The following APOBEC3A variants were observed in gnomAD, a reference collection of about 807,000 sequenced individuals.
The protein encoded by APOBEC3A is DNA dC->dU-editing enzyme APOBEC-3A.
Under a neutral mutation model 23.0 loss-of-function variants are expected in APOBEC3A, and 13 were observed. The observed-to-expected ratio is 0.57, with a 90% confidence interval of 0.37 to 0.90. APOBEC3A has a LOEUF of 0.90. Among genes scored for constraint, APOBEC3A ranks in the 40% least tolerant of loss-of-function variants. The pLI is 0.01. For missense variants in APOBEC3A, 179 were observed against 264.9 expected (o/e 0.68, Z 2.25); for synonymous variants, 74 against 101.3 (o/e 0.73, Z 1.62).
rs61743667 is a variant in APOBEC3A, at chr22:38,962,168, T to C, written c.540T>C (p.Asp180=). 7.4e-6 allele frequency: 12 copies of C among 1,611,508 alleles called. No homozygotes were observed. The Admixed American group carries it at 2.0e-4, about 27-fold the overall frequency. Residue 180 remains aspartate (D), a synonymous_variant, in exon 4 of 5, where the codon GAT becomes GAC. Transcript: ENST00000249116. ...GCPFQPWDGL[D]EHSQALSGRL... ...CCTTCCAGCCCTGGGATGGACTAGATGAGCACAGCCAAGCCCTGAGTGGGA... is the reference window on the plus strand; with the variant it reads ...CCTTCCAGCCCTGGGATGGACTAGACGAGCACAGCCAAGCCCTGAGTGGGA...
chr22:38,959,093 C>T (rs1382883513), intron 1 of APOBEC3A, among the ~76,000 whole-genome samples: 2 of 152,110 alleles, frequency 1.3e-5, no homozygotes, highest in Non-Finnish European at 2.9e-5. Context: ...CTGGCAGGTT[C>T]CTCTCCCCAG....
At chr22:38,958,100 A>C (rs1246309210) in intron 1 of APOBEC3A, among the ~76,000 whole-genome samples, 2 of 152,176 alleles carry the variant, frequency 1.3e-5, no homozygotes, top group Admixed American at 6.5e-5. Flanking sequence ...TTTTATGTTC[A>C]GTGTCATCTC....
At chr22:38,958,642 C>G (rs1297605494) in intron 1 of APOBEC3A, among the ~76,000 whole-genome samples, 2 of 131,270 alleles carry the variant, frequency 1.5e-5, no homozygotes, top group Admixed American at 1.7e-4. Flanking sequence ...TTTTTTCTTT[C>G]TTTTCTTTCT....
chr22:38,959,435 G>A, intron 1 of APOBEC3A, 107 bp from the exon 2 acceptor site: 2 of 1,350,586 alleles, frequency 1.5e-6, no homozygotes, highest in Non-Finnish European at 2.1e-6. Context: ...GTGCGGAGCA[G>A]GGGGAAGGAG....
rs749960014 is a variant in APOBEC3A, at chr22:38,962,251, C to T, written c.585+38C>T. The T allele has an allele frequency of 3.7e-6, 6 of 1,613,362 alleles. No individual in the cohort carries two copies. In the East Asian group the frequency reaches 1.1e-4, roughly 30 times the overall value. On this transcript the variant is annotated intron_variant, in intron 4 of 4. Coordinates refer to ENST00000249116, the MANE Select transcript of APOBEC3A (RefSeq NM_145699.4). ...TCCCTCTGCCCGGTGCCCCATCGGC[C>T]TCCCCCTCCTCCCCACTCCCCTGGG...
Position 38,962,943 on chromosome 22 carries a change from A to G in APOBEC3A, c.*434A>G, listed in dbSNP as rs1480869003. On this transcript the variant is annotated 3_prime_UTR_variant, in exon 5 of 5. Transcript: ENST00000249116. ...ACTGCACTCCAGCCTGGGCGACAGT[A>G]CCAGACTCCATCTCAAAAAAAAAAA... 3.8e-5 allele frequency: 7 copies of G among 182,924 alleles called. No individual in the cohort carries two copies. Among genetic ancestry groups the G allele is most frequent in the African/African-American group, 5.0e-5 (2 of 40,312 alleles). 11.3% of individuals were successfully genotyped at this position (182,924 alleles called of 1,614,324 possible).
In APOBEC3A at chr22:38,962,886, A is replaced by G. The variant is rs1406840653; in HGVS notation, c.*377A>G. The G allele has an allele frequency of 6.1e-6, 2 of 329,978 alleles. No homozygotes were observed. 20.4% of individuals were successfully genotyped at this position (329,978 alleles called of 1,614,324 possible). ...GGCAGGAGAGTAGCGTGAACCCGGG[A>G]GGCAGAGCTTGCGGTGAGCCGAGAT... On this transcript the variant is annotated 3_prime_UTR_variant, in exon 5 of 5. Coordinates refer to ENST00000249116, the MANE Select transcript of APOBEC3A (RefSeq NM_145699.4).
chr22:38,962,069 C>A lies in APOBEC3A; in HGVS notation c.470-29C>A, dbSNP rs764187184. ...TGCCACCCCGATCCCACAGCGGGAGCGTGACTTATCTCCCCTGTCCCTTTT... is the reference window on the plus strand; with the variant it reads ...TGCCACCCCGATCCCACAGCGGGAGAGTGACTTATCTCCCCTGTCCCTTTT... On this transcript the variant is annotated intron_variant, in intron 3 of 4. Transcript: ENST00000249116. 3.1e-6 allele frequency: 5 copies of A among 1,592,852 alleles called. No individual in the cohort carries two copies. In the Admixed American group the frequency reaches 8.4e-5, roughly 27 times the overall value.
chr22:38,960,483 T>G (rs936290529), intron 2 of APOBEC3A, among the ~76,000 whole-genome samples: 2 of 152,160 alleles, frequency 1.3e-5, no homozygotes, highest in Non-Finnish European at 2.9e-5. Flanking sequence ...CCTCCCTGTC[T>G]TTGTCCCCAT....
intron 1 of APOBEC3A, among the ~76,000 whole-genome samples, chr22:38,958,610 C>T (rs372226359): frequency 7.2e-6 from 1 of 139,134 alleles, no homozygotes; most frequent in South Asian, 2.3e-4. Flanking sequence ...TCTCTTTCTC[C>T]CTTTCTCCCT....
At chr22:38,957,897 C>A (rs1341544673) in intron 1 of APOBEC3A, among the ~76,000 whole-genome samples, 177 bp downstream of exon 1, 1 of 152,136 alleles carries the variant, frequency 6.6e-6, no homozygotes, top group Admixed American at 6.5e-5. Context: ...GTCTCTCCTC[C>A]GATGGTACCA....
rs549687514 is a variant in APOBEC3A at position 38,962,754 on chromosome 22, C to G, written c.*245C>G. The G allele has an allele frequency of 1.8e-5, 17 of 956,846 alleles. No homozygotes were observed. The highest frequency in any genetic ancestry group is 3.6e-5 in the East Asian group (1 of 27,404). 59.3% of individuals were successfully genotyped at this position (956,846 alleles called of 1,614,324 possible). A position where few individuals can be genotyped will look rare whatever the true frequency, so the allele number is the denominator to read the frequency against. ...CGGGTGGATCACGAGGTCAGGAGAT[C>G]GAGACCATCCTGGCTAACACGGTGA... On this transcript the variant is annotated 3_prime_UTR_variant, in exon 5 of 5. Transcript: ENST00000249116.
At chr22:38,959,441 AG>A in intron 1 of APOBEC3A, 100 bp from the exon 2 acceptor site, 1 of 1,384,834 alleles carries the variant, frequency 7.2e-7, no homozygotes, top group Non-Finnish European at 1.0e-6. Context: ...AGCAGGGGGA[AG>A]GAGGGTGGGG....
rs2036627223 is a variant in APOBEC3A, at chr22:38,963,021, A to G, written c.*512A>G. 2 of 169,192 alleles carry G rather than the reference A, an allele frequency of 1.2e-5. 1 individual carries two copies. Among genetic ancestry groups the G allele is most frequent in the South Asian group, 2.6e-4 (2 of 7,674 alleles). 10.5% of individuals were successfully genotyped at this position (169,192 alleles called of 1,614,324 possible). ...AATTTCTCTTATGTTCCAAGTACAC[A>G]ATAGTAAGATTATGCTCAATATTCT... On this transcript the variant is annotated 3_prime_UTR_variant, in exon 5 of 5. Transcript: ENST00000249116.
Position 38,959,578 on chromosome 22 carries a change from T to C in APOBEC3A, c.66T>C (p.Phe22=). ...LMDPHIFTSN[F]NNGIGRHKTY... ...ATCCACACATATTCACTTCCAACTT[T>C]AACAATGGCATTGGAAGGCATAAGA... Residue 22 remains phenylalanine, a synonymous_variant, in exon 2 of 5, where the codon TTT becomes TTC. Coordinates refer to ENST00000249116, the MANE Select transcript of APOBEC3A (RefSeq NM_145699.4). The C allele has an allele frequency of 6.2e-7, 1 of 1,614,026 alleles. No homozygotes were observed. The highest frequency in any genetic ancestry group is 1.1e-5 in the South Asian group (1 of 91,084).
At position 38,959,626 on chromosome 22, in the gene APOBEC3A, G is replaced by T. The variant is rs142024939; in HGVS notation, c.114G>T (p.Glu38Asp). 1.1e-4 allele frequency: 185 copies of T among 1,613,998 alleles called. 1 individual carries two copies. Among genetic ancestry groups the T allele is most frequent in the Non-Finnish European group, 1.5e-4 (172 of 1,180,014 alleles). The change falls in exon 2 of 5, where the codon GAG becomes GAT. Residue 38 changes from glutamate to aspartate, a missense_variant. Glu to Asp is a conservative substitution (Grantham distance 45). Around this residue, in one of 5 missense-constraint regions of APOBEC3A, gnomAD observed 87 missense variants for 74.5 expected, o/e 1.17. Transcript: ENST00000249116. ...AGACCTACCTGTGCTACGAAGTGGAGCGCCTGGACAATGGCACCTCGGTCA... is the reference window on the plus strand; with the variant it reads ...AGACCTACCTGTGCTACGAAGTGGATCGCCTGGACAATGGCACCTCGGTCA... Reference protein sequence around the residue: ...RHKTYLCYEVERLDNGTSVKM... With the variant: ...RHKTYLCYEVDRLDNGTSVKM...
At chr22:38,961,805 T>C in intron 3 of APOBEC3A, 124 bp downstream of exon 3, 2 of 1,186,698 alleles carry the variant, frequency 1.7e-6, no homozygotes, top group Non-Finnish European at 2.3e-6. Flanking sequence ...GACCTGACTT[T>C]GGGGTCGATG....
rs539719577 is a variant in APOBEC3A, at chr22:38,959,420, G to A, written c.30-122G>A. The A allele has an allele frequency of 1.3e-4, 154 of 1,186,812 alleles. 1 individual carries two copies. The South Asian group carries it at 1.9e-3, about 15-fold the overall frequency. The allele number at this position is 1,186,812 out of a possible 1,614,324, so 73.5% of individuals were successfully genotyped here. On this transcript the variant is annotated intron_variant, in intron 1 of 4. Transcript: ENST00000249116. ...AGGGGGAGGTTTGGAAGTGTGCTAA[G>A]GGATGTGCGGAGCAGGGGGAAGGAG...
intron 3 of APOBEC3A, 25 bp from the exon 4 acceptor site, chr22:38,962,073 A>G: frequency 6.3e-7 from 1 of 1,595,846 alleles, no homozygotes. Flanking sequence ...CGGGAGCGTG[A>G]CTTATCTCCC....
Sources: allele counts gnomAD v4.1 joint callset (sites outside exome capture counted in the v4.1 genomes callset), GRCh38; gene constraint gnomAD v4.1.1; regional missense constraint gnomAD v4.1.1; transcripts MANE v1.5; gene names NCBI Gene and HGNC (gene_info 2026-07-23, HGNC 2026-07-21).